The following VAV3 variants were observed in gnomAD, a reference collection of about 807,000 sequenced individuals.
VAV3 encodes the protein vav guanine nucleotide exchange factor 3.
A neutral mutation model predicts 131.2 loss-of-function variants in VAV3; 94 were observed. The ratio of observed to expected loss-of-function variants is 0.72; its 90% CI spans 0.61 to 0.85. The LOEUF is 0.85. Ranked by LOEUF, VAV3 falls within the 40% of genes least tolerant of loss-of-function variation. The probability of loss-of-function intolerance (pLI) is 0.00; values close to 1 mark genes in which losing one functional copy is unlikely to be tolerated. For missense variants in VAV3, 939 were observed against 1,002.7 expected (o/e 0.94, Z 0.86); for synonymous variants, 349 against 342.0 (o/e 1.02, Z -0.22).
chr1:107,735,594 C>G (rs995217115), intron 15 of VAV3, among the ~76,000 whole-genome samples: 8 of 150,910 alleles, frequency 5.3e-5, no homozygotes, highest in Admixed American at 1.3e-4. Flanking sequence ...CGCAAATAAA[C>G]TAGAAAATCT....
intron 1 of VAV3, among the ~76,000 whole-genome samples, chr1:107,945,231 T>G (rs376376598): frequency 6.6e-6 from 1 of 152,128 alleles, no homozygotes; most frequent in Non-Finnish European, 1.5e-5. Flanking sequence ...CATGAAAGAT[T>G]ATATAAGAAA....
chr1:107,641,241 T>C (rs1019435659), intron 20 of VAV3, among the ~76,000 whole-genome samples: 2 of 152,160 alleles, frequency 1.3e-5, no homozygotes, highest in African/African-American at 4.8e-5. Context: ...TATAACAAGA[T>C]GACAGACAAT....
intron 1 of VAV3, among the ~76,000 whole-genome samples, chr1:107,881,792 C>A (rs902943439): frequency 6.6e-6 from 1 of 152,156 alleles, no homozygotes; most frequent in African/African-American, 2.4e-5. Flanking sequence ...CAGGTAGCTA[C>A]CACAACAGAC....
intron 19 of VAV3, among the ~76,000 whole-genome samples, chr1:107,673,915 T>C (rs1347803867): frequency 6.6e-6 from 1 of 152,208 alleles, no homozygotes; most frequent in Non-Finnish European, 1.5e-5. Context: ...TTTCCGAATA[T>C]TTTAAGATAA....
intron 8 of VAV3, 40 bp from the exon 9 acceptor site, chr1:107,765,215 C>A (rs758450388): frequency 4.7e-6 from 7 of 1,501,528 alleles, no homozygotes; most frequent in Non-Finnish European, 2.8e-6. Context: ...AAGACAAAAA[C>A]CAAGAATGAA....
chr1:107,603,487 T>C (rs1652024473), intron 22 of VAV3, among the ~76,000 whole-genome samples: 1 of 152,110 alleles, frequency 6.6e-6, no homozygotes, highest in Admixed American at 6.6e-5. Flanking sequence ...GGAAAAAGAC[T>C]TGTAGGGAGA....
chr1:107,599,141 T>C (rs1462645003), intron 24 of VAV3, among the ~76,000 whole-genome samples: 2 of 152,198 alleles, frequency 1.3e-5, no homozygotes, highest in Non-Finnish European at 2.9e-5. Flanking sequence ...CCTAGGGTCA[T>C]GCGGCTTACT....
intron 22 of VAV3, among the ~76,000 whole-genome samples, chr1:107,606,452 A>G (rs1442448707): frequency 6.6e-6 from 1 of 152,116 alleles, no homozygotes; most frequent in Non-Finnish European, 1.5e-5. Context: ...AGTATCTTCA[A>G]TTTGGAGCCA....
chr1:107,958,172 A>G (rs993638496), intron 1 of VAV3, among the ~76,000 whole-genome samples: 2 of 152,234 alleles, frequency 1.3e-5, no homozygotes, highest in African/African-American at 4.8e-5. Flanking sequence ...TGAGAAGACT[A>G]AGGAATGATA....
chr1:107,697,202 C>A (rs1659799559), intron 17 of VAV3, among the ~76,000 whole-genome samples: 1 of 152,144 alleles, frequency 6.6e-6, no homozygotes, highest in Non-Finnish European at 1.5e-5. Context: ...TACAGAGATT[C>A]TTCTTCCCCC....
intron 19 of VAV3, among the ~76,000 whole-genome samples, chr1:107,660,229 T>C (rs1385976603): frequency 6.6e-6 from 1 of 152,212 alleles, no homozygotes; most frequent in Non-Finnish European, 1.5e-5. Context: ...TTGCAGACCT[T>C]TCCCACAGAG....
At chr1:107,664,690 T>C (rs1344421429) in intron 19 of VAV3, among the ~76,000 whole-genome samples, 10 of 152,024 alleles carry the variant, frequency 6.6e-5, no homozygotes, top group Admixed American at 6.6e-4. Flanking sequence ...AGAAAGTAGA[T>C]GTGCACCCAG....
intron 1 of VAV3, among the ~76,000 whole-genome samples, chr1:107,957,787 AC>A (rs1674887122): frequency 6.6e-6 from 1 of 152,024 alleles, no homozygotes; most frequent in Non-Finnish European, 1.5e-5. Flanking sequence ...AATAATAAAA[AC>A]AATCCACTGT....
chr1:107,746,791 C>T (rs990237144), intron 15 of VAV3, among the ~76,000 whole-genome samples: 4 of 152,224 alleles, frequency 2.6e-5, no homozygotes, highest in Admixed American at 2.6e-4. Flanking sequence ...AATTTTATAC[C>T]TAGAGCTCTA....
rs185207080 is a variant in VAV3 at position 107,945,682 on chromosome 1, C to T, written c.204+18984G>A. On this transcript the variant is annotated intron_variant, in intron 1 of 26. Transcript: ENST00000370056. ...ACTAAAAATACAAAAATTGGCCAGG[C>T]GTGGTGGCGGGCACCTGTAATCCCA... is the stretch of plus-strand genomic sequence containing the variant. Among the ~76,000 whole-genome samples, 24 of 151,930 alleles carry T rather than the reference C, an allele frequency of 1.6e-4. No homozygotes were observed. In the East Asian group the frequency reaches 4.5e-3, roughly 28 times the overall value.
chr1:107,653,466 T>C (rs1656318494), intron 19 of VAV3, among the ~76,000 whole-genome samples: 1 of 152,096 alleles, frequency 6.6e-6, no homozygotes, highest in African/African-American at 2.4e-5. Flanking sequence ...GCTCAGTCAT[T>C]GTAAACTTCT....
At chr1:107,962,436 A>T (rs1283376018) in intron 1 of VAV3, among the ~76,000 whole-genome samples, 1 of 152,220 alleles carries the variant, frequency 6.6e-6, no homozygotes, top group Non-Finnish European at 1.5e-5. Context: ...TAGCAGAAAA[A>T]ATGTTTTTCA....
rs76376650 is a variant in VAV3 at position 107,823,554 on chromosome 1, A to G, written c.322-44062T>C. Among the ~76,000 whole-genome samples the G allele has an allele frequency of 1.6e-3, 251 of 152,262 alleles. 2 individuals are homozygous for G. The highest frequency in any genetic ancestry group is 5.5e-3 in the African/African-American group (229 of 41,554). ...GCCTGTGGAACTCCAAATTTTAGAG[A>G]TCAAGCAGTGGAAGAAAAGCTGAGC... On this transcript the variant is annotated intron_variant, in intron 2 of 26. Coordinates refer to ENST00000370056, the MANE Select transcript of VAV3 (RefSeq NM_006113.5).
chr1:107,587,822 C>G (rs1021611386), intron 25 of VAV3, among the ~76,000 whole-genome samples: 1 of 152,152 alleles, frequency 6.6e-6, no homozygotes, highest in Non-Finnish European at 1.5e-5. Context: ...AAACTCCTAA[C>G]CTCAAATGAT....
Sources: gnomAD v4.1 joint callset for allele counts (sites outside exome capture counted in the v4.1 genomes callset) on GRCh38, gnomAD v4.1.1 for gene constraint, MANE v1.5 for transcripts, NCBI Gene and HGNC (gene_info 2026-07-23, HGNC 2026-07-21) for gene names.